The following WNK1 variants were observed in gnomAD, a reference collection of about 807,000 sequenced individuals.
The protein encoded by WNK1 is WNK lysine deficient protein kinase 1.
WNK1 carries 38 observed loss-of-function variants against 222.8 expected under a neutral mutation model. The observed-to-expected ratio is 0.17, with a 90% CI of 0.13 to 0.22. The LOEUF (loss-of-function observed/expected upper bound fraction) is 0.22, where lower values mean the gene tolerates loss of function less well. Among genes scored for constraint, WNK1 ranks in the 10% least tolerant of loss-of-function variants. WNK1 has a pLI of 1.00. For missense variants in WNK1, 2,348 were observed against 2,918.4 expected (o/e 0.80, Z 4.50); for synonymous variants, 1,090 against 1,092.9 (o/e 1.00, Z 0.05).
Position 911,209 on chromosome 12 carries a change from C to G in WNK1, c.*2417C>G. The G allele has an allele frequency of 2.5e-6, 1 of 398,254 alleles. No homozygotes were observed. The highest frequency in any genetic ancestry group is 4.4e-6 in the Non-Finnish European group (1 of 225,936). 24.7% of individuals were successfully genotyped at this position (398,254 alleles called of 1,614,324 possible). On this transcript the variant is annotated 3_prime_UTR_variant, in exon 28 of 28. Coordinates refer to ENST00000315939, the MANE Select transcript of WNK1 (RefSeq NM_018979.4). ...TGTGTTAATAGTACACTTTGAGTAT[C>G]TTTTTCCACATTAAAAACTTTCTGA...
At chr12:812,755 A>G (rs910489190) in intron 1 of WNK1, among the ~76,000 whole-genome samples, 1 of 152,182 alleles carries the variant, frequency 6.6e-6, no homozygotes, top group African/African-American at 2.4e-5. Flanking sequence ...GGAAAATGAG[A>G]GAGAAATTAA....
chr12:868,475 G>T, intron 8 of WNK1: 1 of 1,613,982 alleles, frequency 6.2e-7, no homozygotes, highest in Non-Finnish European at 8.5e-7. Flanking sequence ...TCTAAGATTA[G>T]ATTCTGGATT....
intron 4 of WNK1, among the ~76,000 whole-genome samples, chr12:845,685 G>C (rs887778010): frequency 6.6e-6 from 1 of 152,144 alleles, no homozygotes; most frequent in African/African-American, 2.4e-5. Flanking sequence ...CTGGCATACA[G>C]TTATCAATCA....
At chr12:773,116 G>A (rs1168888409) in intron 1 of WNK1, among the ~76,000 whole-genome samples, 1 of 152,090 alleles carries the variant, frequency 6.6e-6, no homozygotes, top group African/African-American at 2.4e-5. Flanking sequence ...AAATTAGCCG[G>A]GTGTGGTGAC....
chr12:762,162 C>T (rs1221592966), intron 1 of WNK1, among the ~76,000 whole-genome samples: 1 of 145,078 alleles, frequency 6.9e-6, no homozygotes, highest in South Asian at 2.3e-4. Context: ...TGGGTTCAAG[C>T]GATTGTCATG....
At position 871,353 on chromosome 12, in the gene WNK1, G is replaced by A; in HGVS notation, c.2223+5G>A. The A allele has an allele frequency of 6.2e-7, 1 of 1,613,624 alleles. No individual in the cohort carries two copies. The highest frequency in any genetic ancestry group is 1.3e-5 in the African/African-American group (1 of 74,986). ...CCCATACAACATCCTCAGCAGGTGA[G>A]AACAATGCATTGCAACATTTTATGA... On this transcript the variant is annotated splice_donor_5th_base_variant and intron_variant, in intron 9 of 27. Transcript: ENST00000315939.
chr12:865,234 C>T lies in WNK1; in HGVS notation c.2139+2964C>T, dbSNP rs1951560771. On this transcript the variant is annotated intron_variant, in intron 8 of 27. Transcript: ENST00000315939. ...ACTGTCTGCACCTCTTTCTCCTTCC[C>T]TCCTCCGGACTGCCCCGAGGAAACT... 1 of 1,536,146 alleles carries T rather than the reference C, an allele frequency of 6.5e-7. No homozygotes were observed.
intron 4 of WNK1, among the ~76,000 whole-genome samples, chr12:849,888 G>A (rs1409999578): frequency 2.0e-5 from 3 of 152,244 alleles, no homozygotes; most frequent in African/African-American, 7.2e-5. Context: ...CCCTACAAAG[G>A]ACATGAACTC....
intron 1 of WNK1, among the ~76,000 whole-genome samples, chr12:754,615 G>C (rs1338585787): frequency 6.6e-6 from 1 of 152,184 alleles, no homozygotes; most frequent in African/African-American, 2.4e-5. Context: ...CAGGAAACTT[G>C]GAATGAGTGG....
At chr12:822,320 C>T (rs958627608) in intron 2 of WNK1, among the ~76,000 whole-genome samples, 3 of 152,098 alleles carry the variant, frequency 2.0e-5, no homozygotes, top group Admixed American at 2.0e-4. Context: ...TCTCAAACTC[C>T]TGACCTTGTG....
intron 1 of WNK1, among the ~76,000 whole-genome samples, chr12:770,990 G>T (rs543903983): frequency 2.5e-4 from 38 of 152,000 alleles, no homozygotes; most frequent in Non-Finnish European, 3.8e-4. Context: ...TAAACTTACT[G>T]CTTTATATTT....
At chr12:847,737 C>T (rs1263076115) in intron 4 of WNK1, among the ~76,000 whole-genome samples, 1 of 149,958 alleles carries the variant, frequency 6.7e-6, no homozygotes, top group Non-Finnish European at 1.5e-5. Flanking sequence ...AGCAGATTGC[C>T]TGATAGCTGT....
At position 885,978 on chromosome 12, in the gene WNK1, T is replaced by C. The variant is rs539118620; in HGVS notation, c.5174T>C (p.Val1725Ala). 6.3e-7 allele frequency: 1 copy of C among 1,591,292 alleles called. No homozygotes were observed. The highest frequency in any genetic ancestry group is 2.2e-5 in the East Asian group (1 of 44,780). Residue 1725 changes from valine (V) to alanine (A), a missense_variant, in exon 19 of 28, where the codon GTT (valine) becomes GCT (alanine). Physicochemically the swap from Val to Ala is moderately conservative, Grantham distance 64. Transcript: ENST00000315939. ...NLPLGTVALP[V>A]TPVVTPGQVS... ...CCACTAGGAACAGTTGCTTTGCCAG[T>C]TACACCAGTGGTCACACCTGGGCAA...
intron 1 of WNK1, among the ~76,000 whole-genome samples, chr12:784,108 C>A (rs530064845): frequency 6.6e-5 from 10 of 151,682 alleles, no homozygotes; most frequent in African/African-American, 2.4e-4. Context: ...GTAGTCCCAG[C>A]TACCTGGGAG....
At chr12:779,846 G>A (rs1371106638) in intron 1 of WNK1, among the ~76,000 whole-genome samples, 1 of 152,106 alleles carries the variant, frequency 6.6e-6, no homozygotes, top group Non-Finnish European at 1.5e-5. Context: ...TGGATGCGAA[G>A]AACTCTGTAC....
At position 880,953 on chromosome 12, in the gene WNK1, G is replaced by C; in HGVS notation, c.3065G>C (p.Ser1022Thr). 1 of 1,614,170 alleles carries C rather than the reference G, an allele frequency of 6.2e-7. No homozygotes were observed. The change falls in exon 12 of 28, where the codon AGT becomes ACT. Residue 1022 changes from serine (S) to threonine (T), a missense_variant. This residue lies in a region of WNK1 where 547 missense variants were observed against 558.3 expected (regional missense o/e 0.98). Coordinates refer to ENST00000315939, the MANE Select transcript of WNK1 (RefSeq NM_018979.4). ...GTTCAAGTGTCCCAGCCAGGAGGGA[G>C]TTTAGCACAAGCCCCCACTACATCC... ...GQVQVSQPGGSLAQAPTTSSQ... is the reference protein window; with the variant it reads ...GQVQVSQPGGTLAQAPTTSSQ...
At chr12:900,402 G>T in intron 25 of WNK1, 74 bp from the exon 26 acceptor site, 8 of 1,544,246 alleles carry the variant, frequency 5.2e-6, no homozygotes, top group Non-Finnish European at 6.3e-6. Flanking sequence ...CAAACCAAAT[G>T]TATAAGAACA....
intron 2 of WNK1, among the ~76,000 whole-genome samples, chr12:819,787 G>A (rs549340545): frequency 6.6e-6 from 1 of 152,140 alleles, no homozygotes; most frequent in African/African-American, 2.4e-5. Flanking sequence ...TTTACATGTT[G>A]ATGTCCAGTT....
Position 882,978 on chromosome 12 carries a change from A to G in WNK1, c.3408A>G (p.Gln1136=), listed in dbSNP as rs534619414. The change falls in exon 15 of 28, where the codon CAA becomes CAG. Residue 1136 remains glutamine, a synonymous_variant. Coordinates refer to ENST00000315939, the MANE Select transcript of WNK1 (RefSeq NM_018979.4). ...SNKGDRVVEC[Q]LETHNRKMVT... Reference sequence around the variant, plus strand: ...AAGGAGACCGAGTAGTAGAATGTCAATTAGAGACTCATAATAGGAAAATGG... The same window carrying G: ...AAGGAGACCGAGTAGTAGAATGTCAGTTAGAGACTCATAATAGGAAAATGG... 4 of 1,613,660 alleles carry G rather than the reference A, an allele frequency of 2.5e-6. No individual in the cohort carries two copies. The highest frequency in any genetic ancestry group is 1.7e-5 in the Admixed American group (1 of 60,006).
Sources: gnomAD v4.1 joint callset for allele counts (sites outside exome capture counted in the v4.1 genomes callset) on GRCh38, gnomAD v4.1.1 for gene constraint, gnomAD v4.1.1 regional missense constraint, MANE v1.5 for transcripts, NCBI Gene and HGNC (gene_info 2026-07-23, HGNC 2026-07-21) for gene names.